SNX24: variants seen among roughly 807,000 people sequenced by gnomAD.
The protein encoded by SNX24 is sorting nexin-24.
In SNX24, 22 loss-of-function variants were observed where a neutral mutation model predicts 28.7. That is an observed-to-expected ratio of 0.77 (90% CI 0.55 to 1.10). SNX24 has a LOEUF of 1.10. Among genes scored for constraint, SNX24 ranks in the 50% least tolerant of loss-of-function variants. The pLI is 0.00. For synonymous variants in SNX24, 69 were observed against 71.5 expected, an observed-to-expected ratio of 0.96 and a Z score of 0.18; for missense variants, 221 against 201.1, an observed-to-expected ratio of 1.10 and a Z score of -0.60.
chr5:122,998,053 T>TA (rs1219833047), intron 3 of SNX24, among the ~76,000 whole-genome samples: 1 of 152,158 alleles, frequency 6.6e-6, no homozygotes, highest in Non-Finnish European at 1.5e-5. Flanking sequence ...TCTGGGCACC[T>TA]AAAAAATGTC....
chr5:122,911,615 A>G (rs1270031511), intron 1 of SNX24, among the ~76,000 whole-genome samples: 97 of 148,676 alleles, frequency 6.5e-4, no homozygotes, highest in African/African-American at 2.3e-3. Context: ...CTAACGTTTA[A>G]GTCTTTAATC....
chr5:123,007,664 T>C lies in SNX24; in HGVS notation c.443-18T>C, dbSNP rs749312939. The C allele has an allele frequency of 2.5e-6, 4 of 1,569,722 alleles. No homozygotes were observed. Among genetic ancestry groups the C allele is most frequent in the African/African-American group, 1.4e-5 (1 of 72,016 alleles). On this transcript the variant is annotated intron_variant, in intron 6 of 6. Coordinates refer to ENST00000261369, the MANE Select transcript of SNX24 (RefSeq NM_014035.4). ...GCAGTTTTTCTTTTTTTTTTCTTTTTTTTTTTCTTTTTTTCAGATTTTCCA... is the reference window on the plus strand; with the variant it reads ...GCAGTTTTTCTTTTTTTTTTCTTTTCTTTTTTCTTTTTTTCAGATTTTCCA...
intron 1 of SNX24, among the ~76,000 whole-genome samples, chr5:122,910,534 T>C (rs1428160317): frequency 5.3e-5 from 8 of 151,564 alleles, no homozygotes. Context: ...TAGTTACATA[T>C]GTATACATGT....
intron 1 of SNX24, among the ~76,000 whole-genome samples, chr5:122,923,142 G>A (rs1391131031): frequency 2.0e-5 from 3 of 151,898 alleles, no homozygotes; most frequent in African/African-American, 7.3e-5. Flanking sequence ...ACCAGCCTGG[G>A]CAACAAATCA....
Position 122,887,643 on chromosome 5 carries a change from G to A in SNX24, c.60+41950G>A, listed in dbSNP as rs1276746289. On this transcript the variant is annotated intron_variant, in intron 1 of 6. Transcript: ENST00000261369. Reference sequence around the variant, plus strand: ...ATAAGATTCCTCTTCCACTTCACCAGTTTTCTCTTCAGCTTTGTCTAATTG... The same window carrying A: ...ATAAGATTCCTCTTCCACTTCACCAATTTTCTCTTCAGCTTTGTCTAATTG... Among the ~76,000 whole-genome samples the A allele has an allele frequency of 2.6e-5, 4 of 152,134 alleles. No individual in the cohort carries two copies. In the East Asian group the frequency reaches 7.7e-4, roughly 29 times the overall value.
chr5:122,923,940 A>G (rs1758559280), intron 1 of SNX24, among the ~76,000 whole-genome samples: 1 of 152,270 alleles, frequency 6.6e-6, no homozygotes, highest in Admixed American at 6.5e-5. Context: ...TTTGAATTAC[A>G]TAGGTTTTTA....
At chr5:123,028,843 T>G (rs34341374) in intron 5 of SNX24, 1 of 1,609,592 alleles carries the variant, frequency 6.2e-7, no homozygotes, top group Non-Finnish European at 8.5e-7. Flanking sequence ...ACGATGAAAC[T>G]TGCTTCCTTT....
intron 1 of SNX24, among the ~76,000 whole-genome samples, chr5:122,906,566 C>T (rs1211115761): frequency 6.6e-6 from 1 of 152,038 alleles, no homozygotes; most frequent in Non-Finnish European, 1.5e-5. Context: ...TAGAGTGCAG[C>T]GGTGCGATCT....
intron 3 of SNX24, among the ~76,000 whole-genome samples, chr5:122,983,848 T>A (rs1761488525): frequency 6.6e-6 from 1 of 152,216 alleles, no homozygotes; most frequent in Non-Finnish European, 1.5e-5. Context: ...AAACTATGAC[T>A]GTATTGCTTC....
intron 1 of SNX24, among the ~76,000 whole-genome samples, chr5:122,870,611 G>A (rs1332092615): frequency 6.6e-6 from 1 of 152,196 alleles, no homozygotes; most frequent in East Asian, 1.9e-4. Flanking sequence ...GGAAAGTGGT[G>A]GAAGAATGAC....
At chr5:122,951,852 T>G (rs987357016) in intron 3 of SNX24, among the ~76,000 whole-genome samples, 3 of 152,156 alleles carry the variant, frequency 2.0e-5, no homozygotes, top group Non-Finnish European at 4.4e-5. Context: ...GCTTCTAGGC[T>G]CAGAGTCTGC....
intron 3 of SNX24, among the ~76,000 whole-genome samples, chr5:122,953,110 CTT>C (rs35653842): frequency 7.1e-6 from 1 of 141,540 alleles, no homozygotes; most frequent in African/African-American, 2.6e-5. Flanking sequence ...CCTTTCCTTT[CTT>C]TTTTTTTTTG....
chr5:122,873,024 T>A (rs1431301822), intron 1 of SNX24, among the ~76,000 whole-genome samples: 1 of 152,170 alleles, frequency 6.6e-6, no homozygotes, highest in Non-Finnish European at 1.5e-5. Flanking sequence ...TGGGGTGCAG[T>A]GGTGCGATCA....
intron 1 of SNX24, among the ~76,000 whole-genome samples, chr5:122,898,935 G>C (rs1402827689): frequency 2.6e-5 from 4 of 152,202 alleles, no homozygotes; most frequent in Non-Finnish European, 4.4e-5. Flanking sequence ...AGAGAACCTT[G>C]AAAGTGTCCC....
chr5:122,885,338 G>A (rs868262775), intron 1 of SNX24, among the ~76,000 whole-genome samples: 55 of 152,258 alleles, frequency 3.6e-4, no homozygotes, highest in Middle Eastern at 6.8e-3. Context: ...GTAGGGTGAG[G>A]TGGGGGTAGG....
At chr5:122,922,373 C>G (rs1758469988) in intron 1 of SNX24, among the ~76,000 whole-genome samples, 1 of 152,130 alleles carries the variant, frequency 6.6e-6, no homozygotes, top group South Asian at 2.1e-4. Context: ...CTGCCTCAGC[C>G]TCCTGAGTAG....
intron 1 of SNX24, among the ~76,000 whole-genome samples, chr5:122,868,145 C>G (rs1561526002): frequency 6.6e-6 from 1 of 152,186 alleles, no homozygotes. Context: ...GCCATAGGTG[C>G]AGACTGGGAG....
chr5:122,979,415 A>C (rs1341103334), intron 3 of SNX24, among the ~76,000 whole-genome samples: 1 of 152,160 alleles, frequency 6.6e-6, no homozygotes, highest in Non-Finnish European at 1.5e-5. Flanking sequence ...TGCCCACTGC[A>C]TTGTGAAAAG....
intron 1 of SNX24, among the ~76,000 whole-genome samples, chr5:122,919,291 T>C (rs902633503): frequency 2.0e-5 from 3 of 152,234 alleles, no homozygotes; most frequent in Non-Finnish European, 4.4e-5. Context: ...AGAGATTGCA[T>C]GTAAATCGGC....
Sources: allele counts gnomAD v4.1 joint callset (sites outside exome capture counted in the v4.1 genomes callset), GRCh38; gene constraint gnomAD v4.1.1; transcripts MANE v1.5; gene names NCBI Gene and HGNC (gene_info 2026-07-23, HGNC 2026-07-21).